Variants in GALNTL6 observed in about 807,000 individuals in gnomAD.
GALNTL6 encodes the protein polypeptide N-acetylgalactosaminyltransferase like 6.
A neutral mutation model predicts 73.7 loss-of-function variants in GALNTL6; 46 were observed. That is an observed-to-expected ratio of 0.62 (90% CI 0.49 to 0.80). The LOEUF (loss-of-function observed/expected upper bound fraction) is 0.80, where lower values mean the gene tolerates loss of function less well. GALNTL6 is among the 30% of genes least tolerant of loss of function. The pLI is 0.00. For missense variants in GALNTL6, 604 were observed against 755.0 expected (o/e 0.80, Z 2.34); for synonymous variants, 259 against 263.7 (o/e 0.98, Z 0.17).
rs13149348 is a variant in GALNTL6, at chr4:172,017,162, G to A, written c.138+202444G>A. ...CTAAGGTAGCCTCCTTGATGAAGGA[G>A]GCTAGTGGAGCTCTCATTTAGATGT... On this transcript the variant is annotated intron_variant, in intron 2 of 12. Coordinates refer to ENST00000506823, the MANE Select transcript of GALNTL6 (RefSeq NM_001034845.3). Among the ~76,000 whole-genome samples, 1,438 of 152,284 alleles carry A rather than the reference G, an allele frequency of 9.4e-3. 23 individuals are homozygous for A. Among genetic ancestry groups the A allele is most frequent in the African/African-American group, 0.032 (1,342 of 41,576 alleles).
At chr4:173,003,445 C>G (rs192783047) in intron 10 of GALNTL6, among the ~76,000 whole-genome samples, 1 of 152,186 alleles carries the variant, frequency 6.6e-6, no homozygotes, top group Non-Finnish European at 1.5e-5. Context: ...CGTGAGCAAT[C>G]CCATGATACA....
intron 5 of GALNTL6, among the ~76,000 whole-genome samples, chr4:172,569,858 G>A (rs1383467967): frequency 1.3e-5 from 2 of 152,122 alleles, no homozygotes; most frequent in African/African-American, 4.8e-5. Flanking sequence ...GATATGCGAG[G>A]GATTATGAGC....
intron 5 of GALNTL6, among the ~76,000 whole-genome samples, chr4:172,429,939 A>G (rs1454739665): frequency 6.6e-6 from 1 of 152,134 alleles, no homozygotes; most frequent in African/African-American, 2.4e-5. Context: ...ATTCATACCA[A>G]TCACCTAACT....
intron 2 of GALNTL6, among the ~76,000 whole-genome samples, chr4:171,988,451 C>T (rs565106791): frequency 2.9e-4 from 44 of 152,180 alleles, no homozygotes; most frequent in African/African-American, 9.2e-4. Context: ...CAGGGTCAGT[C>T]TAAGTGAAAG....
At chr4:171,885,988 T>C (rs1291800748) in intron 2 of GALNTL6, among the ~76,000 whole-genome samples, 2 of 152,002 alleles carry the variant, frequency 1.3e-5, no homozygotes, top group Non-Finnish European at 2.9e-5. Context: ...AATAAAGAGA[T>C]GTAGACAAGT....
At chr4:173,014,067 T>A (rs1316738393) in intron 11 of GALNTL6, among the ~76,000 whole-genome samples, 1 of 148,886 alleles carries the variant, frequency 6.7e-6, no homozygotes, top group African/African-American at 2.5e-5. Context: ...GTGGCAAAAA[T>A]TAAAAAAAGG....
chr4:172,281,769 A>G (rs1465591173), intron 3 of GALNTL6, among the ~76,000 whole-genome samples: 2 of 152,150 alleles, frequency 1.3e-5, no homozygotes, highest in Non-Finnish European at 2.9e-5. Context: ...ATAATTCAGA[A>G]TAATCTCATC....
At chr4:172,270,189 A>ATG (rs547854776) in intron 3 of GALNTL6, among the ~76,000 whole-genome samples, 19,019 of 150,190 alleles carry the variant, frequency 0.13, 1,275 homozygotes, top group East Asian at 0.3. Flanking sequence ...GTGTGTGTGT[A>ATG]TGTGTGTGTG....
At chr4:171,942,038 C>T (rs901195807) in intron 2 of GALNTL6, among the ~76,000 whole-genome samples, 1 of 152,046 alleles carries the variant, frequency 6.6e-6, no homozygotes, top group African/African-American at 2.4e-5. Flanking sequence ...CCTTTAGTGT[C>T]ATTTTATTTC....
chr4:171,967,457 T>TTTTGTTTTTTG (rs781594013), intron 2 of GALNTL6, among the ~76,000 whole-genome samples: 42 of 105,382 alleles, frequency 4.0e-4, no homozygotes, highest in East Asian at 1.2e-3. Flanking sequence ...GTTTTTTTTT[T>TTTTGTTTTTTG]TTTTTTTTGT....
chr4:171,902,755 G>T (rs977556414), intron 2 of GALNTL6, among the ~76,000 whole-genome samples: 1 of 152,130 alleles, frequency 6.6e-6, no homozygotes, highest in Non-Finnish European at 1.5e-5. Flanking sequence ...AAAAAGGAAA[G>T]ATATGAATAG....
intron 5 of GALNTL6, among the ~76,000 whole-genome samples, chr4:172,362,442 G>C (rs188813338): frequency 2.6e-5 from 4 of 152,102 alleles, no homozygotes; most frequent in African/African-American, 9.6e-5. Flanking sequence ...ATTTGGCATT[G>C]CTTGCATTCT....
intron 8 of GALNTL6, among the ~76,000 whole-genome samples, chr4:172,887,745 G>A (rs1008091903): frequency 1.3e-5 from 2 of 151,892 alleles, no homozygotes; most frequent in Non-Finnish European, 2.9e-5. Flanking sequence ...TGTATTTTTT[G>A]TAGAGACGGG....
intron 5 of GALNTL6, among the ~76,000 whole-genome samples, chr4:172,533,230 C>T (rs1225966006): frequency 2.0e-5 from 3 of 146,706 alleles, no homozygotes; most frequent in Non-Finnish European, 4.5e-5. Context: ...CCAGGCTGGT[C>T]TTGAACTCCT....
intron 9 of GALNTL6, among the ~76,000 whole-genome samples, chr4:172,942,522 T>C (rs901361850): frequency 6.6e-6 from 1 of 152,184 alleles, no homozygotes; most frequent in Non-Finnish European, 1.5e-5. Context: ...TAAGTTGTGA[T>C]GACATGAGGC....
chr4:172,291,053 A>G (rs1409903736), intron 3 of GALNTL6, among the ~76,000 whole-genome samples: 1 of 152,076 alleles, frequency 6.6e-6, no homozygotes, highest in Non-Finnish European at 1.5e-5. Context: ...AAAAAAAGGA[A>G]TAATAGAAGC....
chr4:171,977,890 T>A (rs1739770134), intron 2 of GALNTL6, among the ~76,000 whole-genome samples: 1 of 152,198 alleles, frequency 6.6e-6, no homozygotes, highest in Non-Finnish European at 1.5e-5. Flanking sequence ...ATAGATTGGC[T>A]TACTGTTTTG....
Position 172,709,069 on chromosome 4 carries a change from G to A in GALNTL6, c.554-100292G>A. ...TTATGTCCCTACTCCTTCATTTCATGTTTTACCCTGGGTGATTTCATGCCC... is the reference window on the plus strand; with the variant it reads ...TTATGTCCCTACTCCTTCATTTCATATTTTACCCTGGGTGATTTCATGCCC... On this transcript the variant is annotated intron_variant, in intron 5 of 12. Coordinates refer to ENST00000506823, the MANE Select transcript of GALNTL6 (RefSeq NM_001034845.3). Among the ~76,000 whole-genome samples, 2 of 152,232 alleles carry A rather than the reference G, an allele frequency of 1.3e-5. 1 individual carries two copies. The highest frequency in any genetic ancestry group is 4.1e-4 in the South Asian group (2 of 4,834).
intron 2 of GALNTL6, among the ~76,000 whole-genome samples, chr4:171,990,226 G>A (rs1740294645): frequency 6.6e-6 from 1 of 152,080 alleles, no homozygotes; most frequent in South Asian, 2.1e-4. Flanking sequence ...ATAAACATTT[G>A]CATAAAAATT....
Sources: gnomAD v4.1 joint callset for allele counts (sites outside exome capture counted in the v4.1 genomes callset) on GRCh38, gnomAD v4.1.1 for gene constraint, MANE v1.5 for transcripts, NCBI Gene and HGNC (gene_info 2026-07-23, HGNC 2026-07-21) for gene names.